TENM2: variants seen among roughly 807,000 people sequenced by gnomAD.
The protein encoded by TENM2 is teneurin-2.
TENM2 carries 52 observed loss-of-function variants against 245.2 expected under a neutral mutation model. The observed-to-expected ratio is 0.21, with a 90% CI of 0.17 to 0.27. The LOEUF (loss-of-function observed/expected upper bound fraction) is 0.27. Among genes scored for constraint, TENM2 ranks in the 10% least tolerant of loss-of-function variants. The pLI is 1.00. For synonymous variants in TENM2, 1,363 were observed against 1,438.9 expected, an observed-to-expected ratio of 0.95 and a Z score of 1.19; for missense variants, 3,046 against 3,666.8, an observed-to-expected ratio of 0.83 and a Z score of 4.37.
the TENM2 span, among the ~76,000 whole-genome samples, chr5:167,234,357 A>G: frequency 6.6e-6 from 1 of 152,140 alleles, no homozygotes; most frequent in African/African-American, 2.4e-5. Context: ...TCTTTATGGT[A>G]ACAGTGAAGA....
chr5:167,712,333 G>T (rs1389812267), intron 2 of TENM2, among the ~76,000 whole-genome samples: 10 of 152,004 alleles, frequency 6.6e-5, no homozygotes, highest in Non-Finnish European at 1.5e-5. Context: ...AGGATTTGGG[G>T]GAAAATTAAA....
chr5:168,137,664 T>C (rs1173862782), intron 12 of TENM2, among the ~76,000 whole-genome samples: 2 of 152,230 alleles, frequency 1.3e-5, no homozygotes, highest in African/African-American at 2.4e-5. Context: ...TAAATGTCAC[T>C]GATGATTGCA....
chr5:167,037,761 G>A, the TENM2 span, among the ~76,000 whole-genome samples: 6 of 152,190 alleles, frequency 3.9e-5, no homozygotes, highest in African/African-American at 1.4e-4. Flanking sequence ...CTTGGAAAGA[G>A]GTACAGGCAC....
At chr5:167,436,364 G>A (rs894028215) in intron 2 of TENM2, among the ~76,000 whole-genome samples, 1 of 152,138 alleles carries the variant, frequency 6.6e-6, no homozygotes, top group Admixed American at 6.5e-5. Context: ...TGGGATTACA[G>A]GTGTGAACCA....
intron 25 of TENM2, among the ~76,000 whole-genome samples, chr5:168,238,144 CAAGA>C (rs1236691802): frequency 1.6e-4 from 16 of 101,878 alleles, no homozygotes; most frequent in East Asian, 1.4e-3. Flanking sequence ...GACTCCATCT[CAAGA>C]AAGAAAGAAA....
chr5:167,188,584 A>G, the TENM2 span, among the ~76,000 whole-genome samples: 97 of 152,238 alleles, frequency 6.4e-4, no homozygotes, highest in African/African-American at 2.2e-3. Context: ...ACTTTTGACA[A>G]CAAACTGTTT....
At chr5:167,436,481 G>A (rs994772248) in intron 2 of TENM2, among the ~76,000 whole-genome samples, 8 of 152,170 alleles carry the variant, frequency 5.3e-5, no homozygotes, top group Non-Finnish European at 8.8e-5. Context: ...TGGAAAATTT[G>A]CAGCCTAATA....
At chr5:167,040,747 T>TA in the TENM2 span, among the ~76,000 whole-genome samples, 2 of 152,230 alleles carry the variant, frequency 1.3e-5, 1 homozygote, top group South Asian at 4.1e-4. Flanking sequence ...TTTCCCCACT[T>TA]ATTAATTTTG....
intron 2 of TENM2, among the ~76,000 whole-genome samples, chr5:167,827,402 C>T (rs1268417383): frequency 6.6e-6 from 1 of 152,108 alleles, no homozygotes; most frequent in Non-Finnish European, 1.5e-5. Flanking sequence ...CTAGTTAGAG[C>T]ATGGCTTAAC....
chr5:168,156,383 C>T (rs1283163323), intron 12 of TENM2, among the ~76,000 whole-genome samples: 3 of 151,782 alleles, frequency 2.0e-5, no homozygotes, highest in South Asian at 4.2e-4. Flanking sequence ...TCTGCATTTC[C>T]ATGCAGCCTG....
intron 2 of TENM2, among the ~76,000 whole-genome samples, chr5:167,742,798 G>A (rs964049391): frequency 1.3e-5 from 2 of 150,368 alleles, no homozygotes; most frequent in African/African-American, 4.9e-5. Context: ...AAAAAAAAAA[G>A]AAAGAAAGAA....
chr5:167,366,166 T>C (rs2127282582), intron 1 of TENM2, among the ~76,000 whole-genome samples: 2 of 152,094 alleles, frequency 1.3e-5, no homozygotes, highest in South Asian at 4.1e-4. Context: ...ATAAATATTA[T>C]GAGGAATGAA....
intron 2 of TENM2, among the ~76,000 whole-genome samples, chr5:167,697,751 C>T (rs1322073001): frequency 1.3e-5 from 2 of 152,136 alleles, no homozygotes; most frequent in African/African-American, 4.8e-5. Flanking sequence ...TCTCGAACTC[C>T]TGACCTCAGG....
intron 2 of TENM2, among the ~76,000 whole-genome samples, chr5:167,519,367 AT>A (rs770648063): frequency 6.6e-6 from 1 of 152,120 alleles, no homozygotes; most frequent in Non-Finnish European, 1.5e-5. Context: ...TTGATTCTAA[AT>A]TTTACTTCCA....
At chr5:167,696,057 A>C (rs149069978) in intron 2 of TENM2, among the ~76,000 whole-genome samples, 3,781 of 150,780 alleles carry the variant, frequency 0.025, 122 homozygotes, top group African/African-American at 0.07. Context: ...AACAAAAAAA[A>C]AACAACAACA....
chr5:167,565,511 C>T (rs922937200), intron 2 of TENM2, among the ~76,000 whole-genome samples: 4 of 152,304 alleles, frequency 2.6e-5, no homozygotes, highest in Middle Eastern at 3.4e-3. Flanking sequence ...CAGCAGCTTC[C>T]GGAACAACAT....
chr5:167,437,702 G>A (rs1764644816), intron 2 of TENM2, among the ~76,000 whole-genome samples: 1 of 152,064 alleles, frequency 6.6e-6, no homozygotes, highest in African/African-American at 2.4e-5. Flanking sequence ...AATTACGGCT[G>A]CGGGTCTTTC....
In TENM2 at chr5:168,211,870, A is replaced by G; in HGVS notation, c.3845+116A>G. 8.1e-6 allele frequency: 5 copies of G among 621,108 alleles called. No individual in the cohort carries two copies. The South Asian group carries it at 9.2e-5, about 11-fold the overall frequency. 38.5% of individuals were successfully genotyped at this position (621,108 alleles called of 1,614,324 possible). On this transcript the variant is annotated intron_variant, in intron 20 of 28. Coordinates refer to ENST00000518659, the Ensembl canonical transcript of TENM2. ...TTGTATATTTTTATGTACCAAATATAGTAACTTTTTTATGTGCTAATTGTG... is the reference window on the plus strand; with the variant it reads ...TTGTATATTTTTATGTACCAAATATGGTAACTTTTTTATGTGCTAATTGTG...
chr5:167,700,061 C>T (rs1467356984), intron 2 of TENM2, among the ~76,000 whole-genome samples: 2 of 152,026 alleles, frequency 1.3e-5, no homozygotes, highest in Non-Finnish European at 2.9e-5. Context: ...GTTCTTCAGA[C>T]CTCTTCACAG....
Sources: allele counts gnomAD v4.1 joint callset (sites outside exome capture counted in the v4.1 genomes callset), GRCh38; gene constraint gnomAD v4.1.1; transcripts MANE v1.5; gene names NCBI Gene and HGNC (gene_info 2026-07-23, HGNC 2026-07-21).